Variants in BNIP5 observed in about 807,000 individuals in gnomAD.
The protein encoded by BNIP5 is protein BNIP5.
Under a neutral mutation model 67.3 loss-of-function variants are expected in BNIP5, and 61 were observed. The ratio of observed to expected loss-of-function variants is 0.91; its 90% CI spans 0.74 to 1.12. The LOEUF is 1.12. BNIP5 is among the 50% of genes most tolerant of loss of function. BNIP5 has a pLI of 0.00. For missense variants in BNIP5, 826 were observed against 816.3 expected (o/e 1.01, Z -0.14); for synonymous variants, 317 against 319.0 (o/e 0.99, Z 0.07).
At chr6:36,326,890 G>A (rs1771776104) in intron 4 of BNIP5, 137 bp from the exon 5 acceptor site, 1 of 1,429,446 alleles carries the variant, frequency 7.0e-7, no homozygotes, top group African/African-American at 1.4e-5. Context: ...GCAGGGGGAG[G>A]GCTGAGTTCT....
Position 36,321,170 on chromosome 6 carries a change from G to T in BNIP5, c.1653C>A (p.Gly551=). ...KLVALLQEVD[G]QLGQQIRRHP... ...TGGTACTCACCTGCTGCCCCAGTTG[G>T]CCATCCACTTCTTGGAGAAGTGCCA... Residue 551 remains glycine, a synonymous_variant, in exon 10 of 12, where the codon GGC becomes GGA. Transcript: ENST00000437635. 1 of 1,592,744 alleles carries T rather than the reference G, an allele frequency of 6.3e-7. No individual in the cohort carries two copies. The highest frequency in any genetic ancestry group is 1.7e-5 in the Admixed American group (1 of 57,206).
chr6:36,323,430 T>A lies in BNIP5; in HGVS notation c.1334A>T (p.His445Leu). 1 of 1,614,256 alleles carries A rather than the reference T, an allele frequency of 6.2e-7. No individual in the cohort carries two copies. The highest frequency in any genetic ancestry group is 8.5e-7 in the Non-Finnish European group (1 of 1,180,036). ...KRSSFRRAFYHKKHTSKEPRR... is the reference protein window; with the variant it reads ...KRSSFRRAFYLKKHTSKEPRR... The stretch of plus-strand genomic sequence containing the variant: ...GGGTTCCTTGGAGGTGTGTTTCTTA[T>A]GGTAAAACGCTCTCCTGAAGCTCGA... The change falls in exon 8 of 12, where the codon CAT (histidine) becomes CTT (leucine). Residue 445 changes from histidine to leucine, a missense_variant. Coordinates refer to ENST00000437635, the MANE Select transcript of BNIP5 (RefSeq NM_001010903.5).
chr6:36,322,174 T>C, intron 9 of BNIP5, 137 bp downstream of exon 9: 4 of 1,111,386 alleles, frequency 3.6e-6, no homozygotes, highest in Non-Finnish European at 5.4e-6. Flanking sequence ...CCCTGCCCCA[T>C]CCTAGAGTCT....
chr6:36,319,096 C>T (rs1231789138), intron 11 of BNIP5, among the ~76,000 whole-genome samples: 1 of 152,118 alleles, frequency 6.6e-6, no homozygotes, highest in Non-Finnish European at 1.5e-5. Flanking sequence ...TGGAAATGTA[C>T]ATGTAATTGA....
chr6:36,330,612 T>TC lies in BNIP5; in HGVS notation c.78dup (p.Lys27GlufsTer28), dbSNP rs766583097. 48 of 1,610,676 alleles carry TC rather than the reference T, an allele frequency of 3.0e-5. No individual in the cohort carries two copies. The highest frequency in any genetic ancestry group is 3.7e-5 in the Non-Finnish European group (44 of 1,180,002). On this transcript the variant is annotated frameshift_variant, in exon 2 of 12. Transcript: ENST00000437635. LOFTEE classifies it high-confidence loss of function. The stretch of plus-strand genomic sequence containing the variant: ...TGGCAGTCCCACGACTCCGAGCCTT[T>TC]CCCGGGGGCCTGCGGCCTGTCCAGA...
chr6:36,336,577 G>A (rs1772021465), intron 1 of BNIP5, 135 bp downstream of exon 1: 1 of 152,166 alleles, frequency 6.6e-6, no homozygotes, highest in African/African-American at 2.4e-5. Flanking sequence ...TTGCCTCTCT[G>A]GGAGGGCCCA....
At position 36,327,101 on chromosome 6, in the gene BNIP5, GA is replaced by G; in HGVS notation, c.728-8del. On this transcript the variant is annotated splice_region_variant and splice_polypyrimidine_tract_variant and intron_variant, in intron 3 of 11. Coordinates refer to ENST00000437635, the MANE Select transcript of BNIP5 (RefSeq NM_001010903.5). ...ATCTGAATGATAGCATCCTCTGGAA[GA>G]AAGCAAATGCATCCGGTTATTCTTT... is the stretch of plus-strand genomic sequence containing the variant. 1.2e-6 allele frequency: 2 copies of G among 1,611,862 alleles called. No individual in the cohort carries two copies. Among genetic ancestry groups the G allele is most frequent in the Non-Finnish European group, 1.7e-6 (2 of 1,177,918 alleles).
At chr6:36,326,362 C>G in intron 5 of BNIP5, 148 bp downstream of exon 5, 1 of 1,012,210 alleles carries the variant, frequency 9.9e-7, no homozygotes, top group Non-Finnish European at 1.4e-6. Flanking sequence ...TCTGTCTTCC[C>G]ACAGTCATCC....
At position 36,328,628 on chromosome 6, in the gene BNIP5, G is replaced by A. The variant is rs1380458326; in HGVS notation, c.697C>T (p.Gln233Ter). 2 of 1,613,754 alleles carry A rather than the reference G, an allele frequency of 1.2e-6. No individual in the cohort carries two copies. The highest frequency in any genetic ancestry group is 2.2e-5 in the East Asian group (1 of 44,878). ...LDVSPHATGHQQEEELKKPDQ... is the reference protein window; with the variant it reads ...LDVSPHATGH ...GGCTTTTTGAGCTCCTCTTCTTGCT[G>A]ATGACCTGTGGCATGGGGAGAAACA... The change falls in exon 3 of 12, where the codon CAG becomes TAG. Residue 233 changes from glutamine to a stop codon, truncating the protein, a stop_gained. Transcript: ENST00000437635. LOFTEE classifies it high-confidence loss of function.
chr6:36,324,450 C>A (rs1258005546), intron 6 of BNIP5, among the ~76,000 whole-genome samples: 1 of 150,866 alleles, frequency 6.6e-6, no homozygotes, highest in Non-Finnish European at 1.5e-5. Context: ...CCTCATCCTG[C>A]ACCTTCTCCC....
At position 36,319,395 on chromosome 6, in the gene BNIP5, G is replaced by T; in HGVS notation, c.1884C>A (p.His628Gln). 5 of 1,614,182 alleles carry T rather than the reference G, an allele frequency of 3.1e-6. No individual in the cohort carries two copies. Among genetic ancestry groups the T allele is most frequent in the Non-Finnish European group, 3.4e-6 (4 of 1,180,032 alleles). ...AMCILMGLRDHYNCTQFPYRE... is the reference protein window; with the variant it reads ...AMCILMGLRDQYNCTQFPYRE... ...TGTATGGGAACTGGGTGCAATTGTAGTGGTCTCTTAGGCCCATGAGGATGC... is the reference window on the plus strand; with the variant it reads ...TGTATGGGAACTGGGTGCAATTGTATTGGTCTCTTAGGCCCATGAGGATGC... The change falls in exon 11 of 12, where the codon CAC becomes CAA. Residue 628 changes from histidine to glutamine, a missense_variant. Transcript: ENST00000437635.
chr6:36,324,018 A>T, intron 7 of BNIP5, 111 bp downstream of exon 7: 11 of 688,806 alleles, frequency 1.6e-5, no homozygotes, highest in Non-Finnish European at 2.5e-5. Context: ...AAAAAAAAGG[A>T]GGGACTGGAG....
chr6:36,330,785 A>G, intron 1 of BNIP5, 91 bp from the exon 2 acceptor site: 1 of 1,455,564 alleles, frequency 6.9e-7, no homozygotes, highest in Non-Finnish European at 9.0e-7. Context: ...GTTTTTTATG[A>G]CGGAGCCTCG....
intron 6 of BNIP5, among the ~76,000 whole-genome samples, chr6:36,324,961 G>A (rs946768222): frequency 5.3e-5 from 8 of 152,080 alleles, no homozygotes; most frequent in African/African-American, 1.9e-4. Flanking sequence ...CAGCTCAAAG[G>A]GGTCACAGCC....
In BNIP5 at chr6:36,336,711, C is replaced by G. The variant is rs1012372824; in HGVS notation, c.-5+1G>C. 1 of 152,236 alleles carries G rather than the reference C, an allele frequency of 6.6e-6. No homozygotes were observed. The highest frequency in any genetic ancestry group is 1.5e-5 in the Non-Finnish European group (1 of 68,100). The allele number at this position is 152,236 out of a possible 1,614,324, so 9.4% of individuals were successfully genotyped here. A position where few individuals can be genotyped will look rare whatever the true frequency, so the allele number is the denominator to read the frequency against. On this transcript the variant is annotated splice_donor_variant, in intron 1 of 11. Coordinates refer to ENST00000437635, the MANE Select transcript of BNIP5 (RefSeq NM_001010903.5). LOFTEE classifies it low-confidence loss of function (5UTR_SPLICE). ...AAAGGAGAGGGTATTGTTCAACCAA[C>G]CTTGGACCACAGAAATCGCTTCTGT...
chr6:36,322,436 T>C lies in BNIP5; in HGVS notation c.1478A>G (p.Glu493Gly). 4 of 1,613,566 alleles carry C rather than the reference T, an allele frequency of 2.5e-6. No individual in the cohort carries two copies. Among genetic ancestry groups the C allele is most frequent in the Non-Finnish European group, 3.4e-6 (4 of 1,179,764 alleles). Residue 493 changes from glutamate (E) to glycine (G), a missense_variant, in exon 9 of 12, where the codon GAA (glutamate) becomes GGA (glycine). By Grantham distance (98) the Glu-to-Gly change is moderately conservative. Transcript: ENST00000437635. ...CAGGGGCTCCCGGCACTCGAGATCT[T>C]CTGGATCTAGGGCAAAAAAAGAGTT... ...RPSTSSSLDP[E>G]DLECREPLPA...
intron 10 of BNIP5, among the ~76,000 whole-genome samples, chr6:36,319,861 A>G (rs1265378454): frequency 6.6e-6 from 1 of 152,036 alleles, no homozygotes; most frequent in East Asian, 1.9e-4. Context: ...AGAAGCAAAC[A>G]CCCCACAGAG....
intron 8 of BNIP5, 34 bp from the exon 9 acceptor site, chr6:36,322,476 A>G (rs775324120): frequency 1.9e-6 from 3 of 1,597,994 alleles, no homozygotes; most frequent in Admixed American, 3.4e-5. Flanking sequence ...AGTGTTTTGC[A>G]GAGAGCTGAA....
At chr6:36,326,400 G>T in intron 5 of BNIP5, 110 bp downstream of exon 5, 1 of 1,387,274 alleles carries the variant, frequency 7.2e-7, no homozygotes, top group Non-Finnish European at 9.8e-7. Flanking sequence ...GAGTGCAAAA[G>T]TCAGACCAGG....
Sources: gnomAD v4.1 joint callset for allele counts (sites outside exome capture counted in the v4.1 genomes callset) on GRCh38, gnomAD v4.1.1 for gene constraint, MANE v1.5 for transcripts, NCBI Gene and HGNC (gene_info 2026-07-23, HGNC 2026-07-21) for gene names.